Variants in NOS3 observed in about 807,000 individuals in gnomAD.
NOS3 encodes nitric oxide synthase 3.
Under a neutral mutation model 144.9 loss-of-function variants are expected in NOS3, and 98 were observed. That is an observed-to-expected ratio of 0.68 (90% CI 0.57 to 0.80). The LOEUF is 0.80. Among genes scored for constraint, NOS3 ranks in the 30% least tolerant of loss-of-function variants. The probability of loss-of-function intolerance (pLI) is 0.00; values close to 1 mark genes in which losing one functional copy is unlikely to be tolerated. For synonymous variants in NOS3, 714 were observed against 702.4 expected, an observed-to-expected ratio of 1.02 and a Z score of -0.26; for missense variants, 1,465 against 1,656.4, an observed-to-expected ratio of 0.88 and a Z score of 2.01.
chr7:151,010,158 G>C lies in NOS3; in HGVS notation c.2556G>C (p.Pro852=). 4 of 1,610,478 alleles carry C rather than the reference G, an allele frequency of 2.5e-6. No homozygotes were observed. The highest frequency in any genetic ancestry group is 3.4e-6 in the Non-Finnish European group (4 of 1,179,044). ...PGWVRDPRLP[P]CTLRQALTFF... ...GGGTGCGGGACCCCCGGCTGCCCCC[G>C]TGCACGCTGCGCCAGGCTCTCACCT... Residue 852 remains proline, a synonymous_variant, in exon 21 of 27, where the codon CCG becomes CCC. Coordinates refer to ENST00000297494, the MANE Select transcript of NOS3 (RefSeq NM_000603.5).
In NOS3 at chr7:151,013,324, G is replaced by C. The variant is rs759024532; in HGVS notation, c.3200G>C (p.Arg1067Pro). Residue 1067 changes from arginine (R) to proline (P), a missense_variant, in exon 25 of 27, where the codon CGC becomes CCC. Around this residue, in one of 5 missense-constraint regions of NOS3, gnomAD observed 228 missense variants for 227.7 expected, o/e 1.00. Coordinates refer to ENST00000297494, the MANE Select transcript of NOS3 (RefSeq NM_000603.5). ...GACGAGGTGCAGAACGCCCAGCAGC[G>C]CGGGGTGTTTGGCCGAGTCCTCACC... Reference protein sequence around the residue: ...YRDEVQNAQQRGVFGRVLTAF... With the variant: ...YRDEVQNAQQPGVFGRVLTAF... The C allele has an allele frequency of 1.5e-5, 24 of 1,613,914 alleles. 1 individual carries two copies. In the South Asian group the frequency reaches 2.5e-4, roughly 17 times the overall value.
intron 14 of NOS3, among the ~76,000 whole-genome samples, chr7:151,005,794 C>CAG (rs1795197165): frequency 6.6e-6 from 1 of 152,158 alleles, no homozygotes; most frequent in Non-Finnish European, 1.5e-5. Flanking sequence ...TTGGAAAGTC[C>CAG]AGGCCGGAGG....
rs569027288 is a variant in NOS3 at position 150,998,105 on chromosome 7, C to A, written c.583-252C>A. On this transcript the variant is annotated intron_variant, in intron 5 of 26. Transcript: ENST00000297494. The surrounding 1 kb of genome is among the most constrained non-coding windows in gnomAD (Gnocchi z 5.0). ...GCAGAGGCCGAGTCCCTCCTCTGTA[C>A]TGGATACCAAGTCAGCTTCCATAGG... Among the ~76,000 whole-genome samples the A allele has an allele frequency of 3.3e-5, 5 of 152,324 alleles. No homozygotes were observed. In the East Asian group the frequency reaches 9.6e-4, roughly 29 times the overall value.
In NOS3 at chr7:151,008,978, C is replaced by T. The variant is rs757274860; in HGVS notation, c.2161C>T (p.Arg721Ter). Residue 721 changes from arginine to a stop codon, truncating the protein, a stop_gained, in exon 18 of 27, where the codon CGA (arginine) becomes TGA (stop). Transcript: ENST00000297494. LOFTEE classifies it high-confidence loss of function. ...GGGAGAGGATGCCAAGGCCGCCGCC[C>T]GAGACATCTTCAGCCCCAAACGGAG... The part of the protein sequence containing the change: ...CVGEDAKAAA[R>*]DIFSPKRSWK... 7 of 1,611,326 alleles carry T rather than the reference C, an allele frequency of 4.3e-6. No individual in the cohort carries two copies. The highest frequency in any genetic ancestry group is 1.7e-6 in the Non-Finnish European group (2 of 1,179,346).
rs945123272 is a variant in NOS3 at position 150,999,032 on chromosome 7, A to T, written c.903A>T (p.Glu301Asp). 1 of 1,612,028 alleles carries T rather than the reference A, an allele frequency of 6.2e-7. No homozygotes were observed. Among genetic ancestry groups the T allele is most frequent in the African/African-American group, 1.3e-5 (1 of 74,722 alleles). ...LLLQAPDDPP[E>D]LFLLPPELVL... The stretch of plus-strand genomic sequence containing the variant: ...TGCAGGCCCCAGATGATCCCCCAGA[A>T]CTCTTCCTTCTGCCCCCCGAGCTGG... Residue 301 changes from glutamate (E) to aspartate (D), a missense_variant, in exon 8 of 27, where the codon GAA becomes GAT. This residue lies in a region of NOS3 where 745 missense variants were observed against 853.9 expected (regional missense o/e 0.87). Coordinates refer to ENST00000297494, the MANE Select transcript of NOS3 (RefSeq NM_000603.5).
At position 151,013,085 on chromosome 7, in the gene NOS3, ACT is replaced by A. The variant is rs374303124; in HGVS notation, c.3107-141_3107-140del. ...CAGGGTCTCTGTGAAAGCATTCTAC[ACT>A]CTCTTAGAGATGAAACAGCCAAAGT... On this transcript the variant is annotated intron_variant, in intron 24 of 26. Coordinates refer to ENST00000297494, the MANE Select transcript of NOS3 (RefSeq NM_000603.5). 905 of 855,880 alleles carry A rather than the reference ACT, an allele frequency of 1.1e-3. 8 individuals are homozygous for A. The African/African-American group carries it at 0.013, about 13-fold the overall frequency. The allele number at this position is 855,880 out of a possible 1,614,324, so 53.0% of individuals were successfully genotyped here. A position where few individuals can be genotyped will look rare whatever the true frequency, so the allele number is the denominator to read the frequency against.
rs759654362 is a variant in NOS3 at position 150,998,241 on chromosome 7, G to A, written c.583-116G>A. On this transcript the variant is annotated intron_variant, in intron 5 of 26. Coordinates refer to ENST00000297494, the MANE Select transcript of NOS3 (RefSeq NM_000603.5). The surrounding 1 kb of genome is among the most constrained non-coding windows in gnomAD (Gnocchi z 5.0). ...AGTGTGGCTGCCAATGGTCAGGAGG[G>A]CGCCATGGAGTGAACCATGGCCCCT... 2 of 837,960 alleles carry A rather than the reference G, an allele frequency of 2.4e-6. No homozygotes were observed. Among genetic ancestry groups the A allele is most frequent in the Non-Finnish European group, 3.8e-6 (2 of 526,050 alleles). 51.9% of individuals were successfully genotyped at this position (837,960 alleles called of 1,614,324 possible). A position where few individuals can be genotyped will look rare whatever the true frequency, so the allele number is the denominator to read the frequency against.
intron 15 of NOS3, 28 bp downstream of exon 15, chr7:151,006,522 T>TG: frequency 6.3e-7 from 1 of 1,583,250 alleles, no homozygotes; most frequent in Non-Finnish European, 8.7e-7. Flanking sequence ...TTGGGGGAGC[T>TG]GGGGGAGCTG....
chr7:151,004,307 G>C (rs1352073687), intron 14 of NOS3, among the ~76,000 whole-genome samples: 1 of 152,218 alleles, frequency 6.6e-6, no homozygotes, highest in Non-Finnish European at 1.5e-5. Flanking sequence ...CTGCACTCCA[G>C]CCTGGGTGAC....
In NOS3 at chr7:151,014,156, C is replaced by G. The variant is rs770455028; in HGVS notation, c.3599C>G (p.Thr1200Ser). ...PWAFDPPGSD[T>S]NSP Reference sequence around the variant, plus strand: ...GCGTTCGACCCTCCCGGCTCAGACACCAACAGCCCCTGAGAGCCGCCTGGC... The same window carrying G: ...GCGTTCGACCCTCCCGGCTCAGACAGCAACAGCCCCTGAGAGCCGCCTGGC... Residue 1200 changes from threonine to serine, a missense_variant, in exon 27 of 27, where the codon ACC (threonine) becomes AGC (serine). Thr to Ser is a moderately conservative substitution (Grantham distance 58). Transcript: ENST00000297494. The G allele has an allele frequency of 3.1e-6, 5 of 1,605,480 alleles. No homozygotes were observed. The highest frequency in any genetic ancestry group is 8.5e-7 in the Non-Finnish European group (1 of 1,174,204).
Position 150,996,934 on chromosome 7 carries a change from G to A in NOS3, c.582+9G>A. 6.4e-7 allele frequency: 1 copy of A among 1,555,516 alleles called. No homozygotes were observed. Among genetic ancestry groups the A allele is most frequent in the South Asian group, 1.2e-5 (1 of 84,622 alleles). On this transcript the variant is annotated intron_variant, in intron 5 of 26. Transcript: ENST00000297494. ...AGTGGGGGAAGCTGCAGGTGCGGCT[G>A]GCCAGCGACTGAGAGACCCGGGCGC...
Position 151,013,938 on chromosome 7 carries a change from G to A in NOS3, c.3450+20G>A, listed in dbSNP as rs1795376441. On this transcript the variant is annotated intron_variant, in intron 26 of 26. Coordinates refer to ENST00000297494, the MANE Select transcript of NOS3 (RefSeq NM_000603.5). ...CTGCGGGTGCGGAGGGGCGGGCCGGGCCTGAGCGTGCGGGGTTCCTGCTAA... is the reference window on the plus strand; with the variant it reads ...CTGCGGGTGCGGAGGGGCGGGCCGGACCTGAGCGTGCGGGGTTCCTGCTAA... 3 of 1,599,214 alleles carry A rather than the reference G, an allele frequency of 1.9e-6. No individual in the cohort carries two copies. Among genetic ancestry groups the A allele is most frequent in the Non-Finnish European group, 2.6e-6 (3 of 1,172,836 alleles).
At position 151,007,284 on chromosome 7, in the gene NOS3, C is replaced by CG. The variant is rs780534863; in HGVS notation, c.2112+8_2112+9insG. 185 of 1,589,976 alleles carry CG rather than the reference C, an allele frequency of 1.2e-4. No homozygotes were observed. The East Asian group carries it at 1.3e-3, about 12-fold the overall frequency. ...GCCCAGGCTGCCTTCCAGGTGAGCC[C>CG]AGCCCAGCCCCTGCTCTGACTCCTG... is the stretch of plus-strand genomic sequence containing the variant. On this transcript the variant is annotated intron_variant, in intron 17 of 26. Transcript: ENST00000297494.
intron 2 of NOS3, among the ~76,000 whole-genome samples, chr7:150,994,905 C>T (rs1275055491): frequency 1.3e-5 from 2 of 152,114 alleles, no homozygotes; most frequent in East Asian, 1.9e-4. Flanking sequence ...AGCAGCTTTG[C>T]GGGGGGTGGA....
chr7:150,997,306 A>G (rs1802454093), intron 5 of NOS3, among the ~76,000 whole-genome samples: 1 of 151,798 alleles, frequency 6.6e-6, no homozygotes, highest in African/African-American at 2.4e-5. Context: ...GGGGGTGAGG[A>G]CAGCTGAGCG....
intron 9 of NOS3, 71 bp from the exon 10 acceptor site, chr7:151,000,425 CAG>C: frequency 3.1e-6 from 3 of 953,542 alleles, no homozygotes; most frequent in South Asian, 1.3e-5. Flanking sequence ...GTACGGGAAA[CAG>C]AGATAGTCTC....
chr7:151,000,103 T>C (rs1226366182), intron 9 of NOS3, among the ~76,000 whole-genome samples: 1 of 107,266 alleles, frequency 9.3e-6, no homozygotes, highest in East Asian at 3.0e-4. Context: ...GGTGTGAGTG[T>C]GTGGGTTTGT....
In NOS3 at chr7:151,013,764, A is replaced by G; in HGVS notation, c.3296A>G (p.Glu1099Gly). The G allele has an allele frequency of 6.2e-7, 1 of 1,611,312 alleles. No homozygotes were observed. The highest frequency in any genetic ancestry group is 8.5e-7 in the Non-Finnish European group (1 of 1,179,316). Residue 1099 changes from glutamate to glycine, a missense_variant, in exon 26 of 27, where the codon GAG (glutamate) becomes GGG (glycine). Around this residue, in one of 5 missense-constraint regions of NOS3, gnomAD observed 228 missense variants for 227.7 expected, o/e 1.00. Transcript: ENST00000297494. ...ATCCTGAGGACGGAGCTGGCTGCGG[A>G]GGTGCACCGCGTGCTGTGCCTCGAG... ...QDILRTELAA[E>G]VHRVLCLERG... is the part of the protein sequence containing the mutation.
intron 14 of NOS3, among the ~76,000 whole-genome samples, chr7:151,005,601 C>T (rs959283692): frequency 6.6e-5 from 10 of 152,180 alleles, no homozygotes; most frequent in African/African-American, 2.4e-4. Flanking sequence ...GGACGATCTG[C>T]CTGCCCCAAC....
Sources: gnomAD v4.1 joint callset for allele counts (sites outside exome capture counted in the v4.1 genomes callset) on GRCh38, gnomAD v4.1.1 for gene constraint, gnomAD v4.1.1 regional missense constraint, Gnocchi (gnomAD v3.1) non-coding constraint, MANE v1.5 for transcripts, NCBI Gene and HGNC (gene_info 2026-07-23, HGNC 2026-07-21) for gene names.